The following BBS9 variants were observed in gnomAD, a reference collection of about 807,000 sequenced individuals.
BBS9 encodes protein PTHB1.
Under a neutral mutation model 117.7 loss-of-function variants are expected in BBS9, and 89 were observed. The ratio of observed to expected loss-of-function variants is 0.76; its 90% confidence interval spans 0.64 to 0.90. The LOEUF is 0.90. Ranked by LOEUF, BBS9 falls within the 40% of genes least tolerant of loss-of-function variation. The probability of loss-of-function intolerance (pLI) is 0.00; values close to 1 mark genes in which losing one functional copy is unlikely to be tolerated. For missense variants in BBS9, 982 were observed against 1,042.2 expected (o/e 0.94, Z 0.80); for synonymous variants, 379 against 370.9 (o/e 1.02, Z -0.25).
chr7:33,434,582 C>T (rs909400930), intron 19 of BBS9, among the ~76,000 whole-genome samples: 1 of 152,062 alleles, frequency 6.6e-6, no homozygotes, highest in Admixed American at 6.5e-5. Flanking sequence ...AACAACAGTT[C>T]TGTAAGTCTG....
At chr7:33,611,753 A>G (rs1172249925) in intron 21 of BBS9, among the ~76,000 whole-genome samples, 1 of 138,888 alleles carries the variant, frequency 7.2e-6, no homozygotes, top group Admixed American at 7.5e-5. Context: ...ATTCCTTTAT[A>G]TAATATTATA....
intron 21 of BBS9, among the ~76,000 whole-genome samples, chr7:33,620,171 C>T (rs984949616): frequency 3.3e-5 from 5 of 151,652 alleles, no homozygotes; most frequent in African/African-American, 1.2e-4. Flanking sequence ...CCACAGAAAT[C>T]AAAAAGATCT....
At chr7:33,192,360 T>G (rs1177089606) in intron 5 of BBS9, among the ~76,000 whole-genome samples, 3 of 152,226 alleles carry the variant, frequency 2.0e-5, no homozygotes, top group Non-Finnish European at 4.4e-5. Flanking sequence ...TGGCATATTA[T>G]AAGATATTCC....
At chr7:33,169,065 G>A (rs1431653572) in intron 4 of BBS9, among the ~76,000 whole-genome samples, 1 of 151,926 alleles carries the variant, frequency 6.6e-6, no homozygotes, top group Non-Finnish European at 1.5e-5. Context: ...GCGGTGTTTG[G>A]TTTTTTGTCC....
intron 21 of BBS9, among the ~76,000 whole-genome samples, chr7:33,548,211 G>A (rs1412177543): frequency 1.3e-5 from 2 of 152,076 alleles, no homozygotes; most frequent in African/African-American, 4.8e-5. Context: ...GATAATTTGG[G>A]GAAAAAATCT....
At chr7:33,373,972 A>G (rs1823332418) in intron 17 of BBS9, among the ~76,000 whole-genome samples, 1 of 152,232 alleles carries the variant, frequency 6.6e-6, no homozygotes, top group South Asian at 2.1e-4. Flanking sequence ...ATTTTACTTC[A>G]TCTTGGTAGA....
chr7:33,172,349 C>G (rs1032048321), intron 4 of BBS9, among the ~76,000 whole-genome samples: 2 of 151,570 alleles, frequency 1.3e-5, no homozygotes, highest in African/African-American at 4.8e-5. Flanking sequence ...CCACTGCACT[C>G]CAGCCTGGGT....
chr7:33,199,420 A>G (rs1785468597), intron 5 of BBS9, among the ~76,000 whole-genome samples: 1 of 151,876 alleles, frequency 6.6e-6, no homozygotes, highest in African/African-American at 2.4e-5. Flanking sequence ...TTAACTGGCA[A>G]TAGCTATGTT....
chr7:33,533,515 GTCC>G (rs2129058643), intron 20 of BBS9, among the ~76,000 whole-genome samples: 1 of 152,244 alleles, frequency 6.6e-6, no homozygotes, highest in East Asian at 1.9e-4. Flanking sequence ...GTATCCAAAG[GTCC>G]TCCTTCTCCT....
chr7:33,251,397 A>G (rs1171409005), intron 5 of BBS9, among the ~76,000 whole-genome samples: 1 of 152,182 alleles, frequency 6.6e-6, no homozygotes, highest in Non-Finnish European at 1.5e-5. Flanking sequence ...ATTGGTTTAC[A>G]TAAGTCAGGG....
chr7:33,608,790 T>A (rs1864717855), downstream of BBS9, among the ~76,000 whole-genome samples: 1 of 152,150 alleles, frequency 6.6e-6, no homozygotes, highest in African/African-American at 2.4e-5. Flanking sequence ...TGCACATATT[T>A]TCTCCTATTC....
At chr7:33,458,370 T>A (rs2392234) in intron 19 of BBS9, among the ~76,000 whole-genome samples, 95,716 of 151,972 alleles carry the variant, frequency 0.63, 30,846 homozygotes, top group African/African-American at 0.76. Context: ...TGTTCATTTG[T>A]TCCATAGATT....
At chr7:33,486,107 T>TTTAGCCTTATTGTTCAAGACC (rs1381596232) in intron 19 of BBS9, among the ~76,000 whole-genome samples, 1 of 152,230 alleles carries the variant, frequency 6.6e-6, no homozygotes, top group Non-Finnish European at 1.5e-5. Context: ...AGGGGCACAA[T>TTTAGCCTTATTGTTCAAGACC]TTAGCCTTAT....
At chr7:33,383,922 T>A in intron 18 of BBS9, 84 bp downstream of exon 18, 1 of 1,394,368 alleles carries the variant, frequency 7.2e-7, no homozygotes, top group Non-Finnish European at 9.9e-7. Flanking sequence ...TCTGTATGCA[T>A]GCCATTAGGC....
rs150345335 is a variant in BBS9 at position 33,586,226 on chromosome 7, C to T, written c.2522-18639C>T. On this transcript the variant is annotated intron_variant, in intron 21 of 22. Coordinates refer to ENST00000242067, the MANE Select transcript of BBS9 (RefSeq NM_198428.3). Reference sequence around the variant, plus strand: ...ACCAAATAACCTCATTAAAAATGGGCAAAAGACATGAACAGATACTTCTAA... The same window carrying T: ...ACCAAATAACCTCATTAAAAATGGGTAAAAGACATGAACAGATACTTCTAA... Among the ~76,000 whole-genome samples, 142 of 151,926 alleles carry T rather than the reference C, an allele frequency of 9.3e-4. 3 individuals carry two copies. In the East Asian group the frequency reaches 0.027, roughly 29 times the overall value.
At chr7:33,542,443 C>T (rs939841294) in intron 21 of BBS9, among the ~76,000 whole-genome samples, 1 of 152,062 alleles carries the variant, frequency 6.6e-6, no homozygotes, top group South Asian at 2.1e-4. Flanking sequence ...CCCATGTATA[C>T]ACTGCACCAT....
chr7:33,292,085 A>C (rs1804165016), intron 9 of BBS9, among the ~76,000 whole-genome samples: 1 of 152,182 alleles, frequency 6.6e-6, no homozygotes, highest in Non-Finnish European at 1.5e-5. Context: ...TGAATGAATG[A>C]ATGCATGATG....
intron 21 of BBS9, among the ~76,000 whole-genome samples, chr7:33,587,892 C>T (rs1239451562): frequency 6.6e-6 from 1 of 152,012 alleles, no homozygotes; most frequent in East Asian, 1.9e-4. Context: ...CTTTTAAAAA[C>T]ACGTTTAGAT....
intron 21 of BBS9, among the ~76,000 whole-genome samples, chr7:33,565,899 A>G (rs1466508560): frequency 7.1e-6 from 1 of 141,698 alleles, no homozygotes; most frequent in Non-Finnish European, 1.5e-5. Context: ...TACCTCTTAG[A>G]CTGCAGTTGT....
Sources: allele counts gnomAD v4.1 joint callset (sites outside exome capture counted in the v4.1 genomes callset), GRCh38; gene constraint gnomAD v4.1.1; transcripts MANE v1.5; gene names NCBI Gene and HGNC (gene_info 2026-07-23, HGNC 2026-07-21).